Variants in CNTN5 observed in about 807,000 individuals in gnomAD.
The protein encoded by CNTN5 is contactin-5.
A neutral mutation model predicts 129.1 loss-of-function variants in CNTN5; 77 were observed. The observed-to-expected ratio is 0.60, with a 90% CI of 0.50 to 0.72. The LOEUF is 0.72. Ranked by LOEUF, CNTN5 falls within the 30% of genes least tolerant of loss-of-function variation. The pLI is 0.00. For missense variants in CNTN5, 1,478 were observed against 1,328.8 expected (o/e 1.11, Z -1.75); for synonymous variants, 509 against 465.6 (o/e 1.09, Z -1.20).
intron 16 of CNTN5, among the ~76,000 whole-genome samples, chr11:100,236,391 C>T: frequency 6.6e-6 from 1 of 152,140 alleles, no homozygotes; most frequent in East Asian, 1.9e-4. Flanking sequence ...CATGAAGTTT[C>T]CCGCCTGACT....
chr11:99,686,667 G>A (rs180677731), intron 3 of CNTN5, among the ~76,000 whole-genome samples: 14 of 152,052 alleles, frequency 9.2e-5, no homozygotes, highest in Middle Eastern at 3.4e-3. Flanking sequence ...GGCTTTTTGG[G>A]TTTCGGGTGT....
At chr11:99,548,125 C>A (rs1170247675) in intron 2 of CNTN5, among the ~76,000 whole-genome samples, 1 of 151,818 alleles carries the variant, frequency 6.6e-6, no homozygotes, top group Non-Finnish European at 1.5e-5. Context: ...ACTATTTTTC[C>A]TTTTGTCTGA....
intron 3 of CNTN5, among the ~76,000 whole-genome samples, chr11:99,816,647 C>A (rs1030674402): frequency 2.6e-5 from 4 of 152,190 alleles, no homozygotes; most frequent in African/African-American, 9.7e-5. Flanking sequence ...GCTTTAGACC[C>A]TTGAGTCATC....
chr11:99,825,938 T>C (rs1946941882), intron 4 of CNTN5, among the ~76,000 whole-genome samples: 1 of 152,124 alleles, frequency 6.6e-6, no homozygotes, highest in African/African-American at 2.4e-5. Flanking sequence ...AAATACAACA[T>C]CTTTCTTTTC....
At chr11:99,438,026 A>C (rs1402550327) in intron 2 of CNTN5, among the ~76,000 whole-genome samples, 1 of 152,002 alleles carries the variant, frequency 6.6e-6, no homozygotes, top group African/African-American at 2.4e-5. Flanking sequence ...TTAGTATAAG[A>C]ATGTTTATAT....
intron 1 of CNTN5, among the ~76,000 whole-genome samples, chr11:99,104,577 G>A (rs1440935711): frequency 6.6e-6 from 1 of 151,900 alleles, no homozygotes; most frequent in South Asian, 2.1e-4. Context: ...AGTGATGGAT[G>A]TGTTAATTCA....
At chr11:99,087,301 C>T (rs573663169) in intron 1 of CNTN5, among the ~76,000 whole-genome samples, 7 of 152,282 alleles carry the variant, frequency 4.6e-5, no homozygotes, top group African/African-American at 1.7e-4. Context: ...TCAGGTAGCA[C>T]ATGGTTCAAA....
intron 13 of CNTN5, among the ~76,000 whole-genome samples, chr11:100,145,387 C>T (rs1946818466): frequency 6.6e-6 from 1 of 152,090 alleles, no homozygotes; most frequent in African/African-American, 2.4e-5. Context: ...CCATTTGCTG[C>T]TCATTGATCA....
chr11:99,314,580 A>T (rs1591510306), intron 1 of CNTN5, among the ~76,000 whole-genome samples: 1 of 152,140 alleles, frequency 6.6e-6, no homozygotes, highest in Non-Finnish European at 1.5e-5. Flanking sequence ...AGCAGGTGAA[A>T]CCACCGGATT....
chr11:99,905,992 T>C (rs2135968535), intron 6 of CNTN5, among the ~76,000 whole-genome samples: 1 of 152,304 alleles, frequency 6.6e-6, no homozygotes, highest in African/African-American at 2.4e-5. Context: ...ATTGATTTTG[T>C]ATCCTGAGAG....
At chr11:99,073,062 T>C (rs1865402980) in intron 1 of CNTN5, among the ~76,000 whole-genome samples, 1 of 152,200 alleles carries the variant, frequency 6.6e-6, no homozygotes, top group Admixed American at 6.5e-5. Flanking sequence ...ACATATTCGC[T>C]CCTTCGTTTT....
chr11:100,182,161 G>A (rs1391830938), intron 13 of CNTN5, among the ~76,000 whole-genome samples: 1 of 152,060 alleles, frequency 6.6e-6, no homozygotes, highest in Non-Finnish European at 1.5e-5. Flanking sequence ...ACATATATAT[G>A]CCAATTGATT....
Position 99,582,619 on chromosome 11 carries a change from G to A in CNTN5, c.55+26350G>A, listed in dbSNP as rs577220440. Among the ~76,000 whole-genome samples the A allele has an allele frequency of 4.3e-4, 66 of 152,078 alleles. 2 individuals carry two copies. The South Asian group carries it at 7.1e-3, about 16-fold the overall frequency. ...ACCCTTTCTTCCAGTTGATCTCATC[G>A]GTTACTGAGGCTTGTGCATTCACAC... is the stretch of plus-strand genomic sequence containing the variant. On this transcript the variant is annotated intron_variant, in intron 3 of 24. Transcript: ENST00000524871.
chr11:99,039,943 T>C (rs1418096907), intron 1 of CNTN5, among the ~76,000 whole-genome samples: 1 of 152,200 alleles, frequency 6.6e-6, no homozygotes, highest in East Asian at 1.9e-4. Context: ...TTTCTATATT[T>C]GTTTTTAATT....
intron 2 of CNTN5, among the ~76,000 whole-genome samples, chr11:99,530,754 T>A (rs775234101): frequency 6.6e-6 from 1 of 152,126 alleles, no homozygotes; most frequent in East Asian, 1.9e-4. Context: ...ATCTGATAGG[T>A]TTATCAGGTG....
rs112393385 is a variant in CNTN5, at chr11:99,987,548, T to TAC, written c.878-14474_878-14473dup. On this transcript the variant is annotated intron_variant, in intron 8 of 24. Coordinates refer to ENST00000524871, the MANE Select transcript of CNTN5 (RefSeq NM_014361.4). ...GAATATATATATATATATATACACA[T>TAC]ACACACACACACATACATATATGCA... Among the ~76,000 whole-genome samples, 163 of 145,110 alleles carry TAC rather than the reference T, an allele frequency of 1.1e-3. 1 individual carries two copies. In the Middle Eastern group the frequency reaches 0.022, roughly 20 times the overall value.
intron 3 of CNTN5, among the ~76,000 whole-genome samples, chr11:99,691,813 G>A (rs1048101912): frequency 5.3e-5 from 8 of 152,054 alleles, no homozygotes; most frequent in African/African-American, 1.9e-4. Context: ...TAAATTTTCT[G>A]TCTCGATGAT....
At chr11:99,617,328 T>C (rs536192267) in intron 3 of CNTN5, among the ~76,000 whole-genome samples, 9 of 152,322 alleles carry the variant, frequency 5.9e-5, no homozygotes, top group African/African-American at 2.2e-4. Flanking sequence ...GGTATGTTTC[T>C]TTATAAATGA....
intron 1 of CNTN5, among the ~76,000 whole-genome samples, chr11:99,161,672 C>A (rs1185224458): frequency 1.3e-5 from 2 of 152,114 alleles, no homozygotes; most frequent in Non-Finnish European, 2.9e-5. Flanking sequence ...AAAAATATAA[C>A]CTTAATTTTT....
Sources: gnomAD v4.1 joint callset for allele counts (sites outside exome capture counted in the v4.1 genomes callset) on GRCh38, gnomAD v4.1.1 for gene constraint, MANE v1.5 for transcripts, NCBI Gene and HGNC (gene_info 2026-07-23, HGNC 2026-07-21) for gene names.